PKHD1: variants seen among roughly 807,000 people sequenced by gnomAD.
The protein encoded by PKHD1 is fibrocystin.
Under a neutral mutation model 412.0 loss-of-function variants are expected in PKHD1, and 291 were observed. The observed-to-expected ratio is 0.71, with a 90% CI of 0.64 to 0.78. The LOEUF (loss-of-function observed/expected upper bound fraction) is 0.78, where lower values mean the gene tolerates loss of function less well. PKHD1 is among the 30% of genes least tolerant of loss of function. The probability of loss-of-function intolerance (pLI) is 0.00; values close to 1 mark genes in which losing one functional copy is unlikely to be tolerated. For synonymous variants in PKHD1, 1,777 were observed against 1,821.5 expected, an observed-to-expected ratio of 0.98 and a Z score of 0.62; for missense variants, 4,825 against 4,950.7, an observed-to-expected ratio of 0.97 and a Z score of 0.76.
chr6:51,963,613 T>C (rs1054509707), intron 35 of PKHD1, among the ~76,000 whole-genome samples: 1 of 152,068 alleles, frequency 6.6e-6, no homozygotes, highest in African/African-American at 2.4e-5. Flanking sequence ...ACATTTTCAG[T>C]TAACAGAGCT....
chr6:51,939,213 G>A (rs1788053026), intron 36 of PKHD1, among the ~76,000 whole-genome samples: 1 of 150,732 alleles, frequency 6.6e-6, no homozygotes, highest in Non-Finnish European at 1.5e-5. Flanking sequence ...TTTCTGGGGG[G>A]CAAGAACCCC....
chr6:51,648,791 G>T (rs1477265334), intron 62 of PKHD1, among the ~76,000 whole-genome samples: 5 of 152,190 alleles, frequency 3.3e-5, no homozygotes, highest in African/African-American at 9.6e-5. Flanking sequence ...CTTTGTGAAG[G>T]CTAGATTTCA....
chr6:51,671,565 G>T (rs950534344), intron 60 of PKHD1, among the ~76,000 whole-genome samples: 10 of 152,092 alleles, frequency 6.6e-5, no homozygotes, highest in East Asian at 3.9e-4. Flanking sequence ...GTCATTCTCC[G>T]TCCAGCTTTG....
chr6:52,022,816 C>A lies in PKHD1; in HGVS notation c.5365G>T (p.Val1789Phe), dbSNP rs1288521396. The A allele has an allele frequency of 8.1e-6, 13 of 1,614,026 alleles. No individual in the cohort carries two copies. Among genetic ancestry groups the A allele is most frequent in the Middle Eastern group, 1.6e-4 (1 of 6,062 alleles). ...CTTTACTCACCATCCAGGGGCAGAA[C>A]CAAGCAGCTGAAGGCAGACACTGTA... ...NATVSAFSCL[V>F]LPLDVSLAFL... Residue 1789 changes from valine (V) to phenylalanine (F), a missense_variant, in exon 33 of 67, where the codon GTT becomes TTT. Physicochemically the swap from Val to Phe is conservative, Grantham distance 50 (BLOSUM62 -1). Transcript: ENST00000371117.
At position 52,068,415 on chromosome 6, in the gene PKHD1, G is replaced by C. The variant is rs182255714; in HGVS notation, c.778+1042C>G. Among the ~76,000 whole-genome samples the C allele has an allele frequency of 8.1e-4, 124 of 152,310 alleles. 1 individual carries two copies. Among genetic ancestry groups the C allele is most frequent in the African/African-American group, 2.7e-3 (111 of 41,564 alleles). On this transcript the variant is annotated intron_variant, in intron 11 of 66. Transcript: ENST00000371117. ...CTATCAGTCATTCTAGGGTTTGATA[G>C]CAATGGGCAGGCTCACAAAAACCTT... is the stretch of plus-strand genomic sequence containing the variant.
chr6:51,699,134 A>G (rs1779126241), intron 60 of PKHD1, among the ~76,000 whole-genome samples: 1 of 152,134 alleles, frequency 6.6e-6, no homozygotes. Context: ...GTAAAGTTCT[A>G]TGAAGTTCAA....
chr6:52,086,500 CT>C (rs1048198890), intron 1 of PKHD1, among the ~76,000 whole-genome samples: 1 of 151,958 alleles, frequency 6.6e-6, no homozygotes, highest in African/African-American at 2.4e-5. Context: ...TACTCCCCCC[CT>C]CAAAAAAAAA....
intron 34 of PKHD1, among the ~76,000 whole-genome samples, chr6:52,015,562 C>T (rs1018808638): frequency 5.3e-5 from 8 of 151,886 alleles, no homozygotes; most frequent in African/African-American, 1.9e-4. Context: ...CAGTGGCTCA[C>T]GCCTGTAATC....
intron 23 of PKHD1, among the ~76,000 whole-genome samples, chr6:52,047,553 G>A (rs569753557): frequency 6.6e-6 from 1 of 152,280 alleles, no homozygotes; most frequent in African/African-American, 2.4e-5. Flanking sequence ...TATTCTTGAA[G>A]ATTTACAAAC....
At position 51,615,841 on chromosome 6, in the gene PKHD1, T is replaced by G. The variant is rs528329873; in HGVS notation, c.*3240A>C. On this transcript the variant is annotated 3_prime_UTR_variant, in exon 67 of 67. Coordinates refer to ENST00000371117, the MANE Select transcript of PKHD1 (RefSeq NM_138694.4). ...CACTGGGCAGTAACAAGGGCAAGTCTATTGAAGGGCAAGTTCACCTTGATC... is the reference window on the plus strand; with the variant it reads ...CACTGGGCAGTAACAAGGGCAAGTCGATTGAAGGGCAAGTTCACCTTGATC... 6.6e-6 allele frequency: 1 copy of G among 152,326 alleles called. No homozygotes were observed. The highest frequency in any genetic ancestry group is 1.9e-4 in the East Asian group (1 of 5,182). 9.4% of individuals were successfully genotyped at this position (152,326 alleles called of 1,614,324 possible).
At chr6:51,753,823 C>G (rs1786513021) in intron 56 of PKHD1, among the ~76,000 whole-genome samples, 1 of 152,222 alleles carries the variant, frequency 6.6e-6, no homozygotes, top group Non-Finnish European at 1.5e-5. Context: ...CAGCACCAGG[C>G]AGCAGCAGCG....
At chr6:51,935,835 C>A (rs1050972381) in intron 36 of PKHD1, among the ~76,000 whole-genome samples, 1 of 152,128 alleles carries the variant, frequency 6.6e-6, no homozygotes, top group African/African-American at 2.4e-5. Flanking sequence ...TCAAAAATAT[C>A]GGAAATATCT....
chr6:51,733,955 T>C lies in PKHD1; in HGVS notation c.10156+10430A>G, dbSNP rs1009248054. ...ACGTATGCATGTGAAGTGAAGCTGA[T>C]TGATCTTCAAGGGACCATCCAAATC... is the stretch of plus-strand genomic sequence containing the variant. On this transcript the variant is annotated intron_variant, in intron 60 of 66. Coordinates refer to ENST00000371117, the MANE Select transcript of PKHD1 (RefSeq NM_138694.4). 7.2e-5 allele frequency among the ~76,000 whole-genome samples: 11 copies of C among 152,340 alleles called. No homozygotes were observed. The East Asian group carries it at 1.3e-3, about 19-fold the overall frequency.
At chr6:51,796,721 A>G (rs1024760388) in intron 52 of PKHD1, among the ~76,000 whole-genome samples, 2 of 151,912 alleles carry the variant, frequency 1.3e-5, no homozygotes, top group African/African-American at 4.8e-5. Flanking sequence ...AGTTTCAAAT[A>G]ACTCTTTGAT....
chr6:52,028,687 T>G (rs1224357786), intron 29 of PKHD1, among the ~76,000 whole-genome samples: 2 of 152,108 alleles, frequency 1.3e-5, no homozygotes, highest in Non-Finnish European at 1.5e-5. Flanking sequence ...AATTTTTGTA[T>G]TTTTTGCAGA....
chr6:51,787,759 C>T (rs1386494540), intron 53 of PKHD1, among the ~76,000 whole-genome samples: 2 of 152,170 alleles, frequency 1.3e-5, no homozygotes, highest in Admixed American at 6.5e-5. Flanking sequence ...TGGAAAGTGG[C>T]ACAGTGTCAC....
intron 43 of PKHD1, among the ~76,000 whole-genome samples, chr6:51,898,034 A>C (rs10456153): frequency 0.3 from 44,791 of 147,804 alleles, 8,246 homozygotes; most frequent in East Asian, 0.73. Context: ...GTGACCTACA[A>C]AGAGACTTAG....
At chr6:52,014,700 AGATGGATGGATGGATG>A (rs55925667) in intron 34 of PKHD1, among the ~76,000 whole-genome samples, 8,001 of 80,136 alleles carry the variant, frequency 0.1, 391 homozygotes, top group East Asian at 0.31. Flanking sequence ...TATACTGGAT[AGATGGATGGATGGATG>A]GATGGATGGA....
At chr6:51,869,981 A>G (rs1436258271) in intron 47 of PKHD1, among the ~76,000 whole-genome samples, 1 of 151,908 alleles carries the variant, frequency 6.6e-6, no homozygotes, top group Non-Finnish European at 1.5e-5. Context: ...ATTTCTTACC[A>G]CCTCTGAGAT....
Sources: allele counts gnomAD v4.1 joint callset (sites outside exome capture counted in the v4.1 genomes callset), GRCh38; gene constraint gnomAD v4.1.1; transcripts MANE v1.5; gene names NCBI Gene and HGNC (gene_info 2026-07-23, HGNC 2026-07-21).